TMEM127: variants seen among roughly 807,000 people sequenced by gnomAD.
The protein encoded by TMEM127 is transmembrane protein 127.
TMEM127 carries 21 observed loss-of-function variants against 20.1 expected under a neutral mutation model. The observed-to-expected ratio is 1.04, with a 90% CI of 0.74 to 1.50. TMEM127 has a LOEUF of 1.50. TMEM127 is among the 40% of genes most tolerant of loss of function. TMEM127 has a pLI of 0.00. For synonymous variants in TMEM127, 150 were observed against 144.7 expected (o/e 1.04, Z -0.26); for missense variants, 303 against 317.4 (o/e 0.95, Z 0.34).
At chr2:96,255,801 G>C (rs1461664824) in intron 2 of TMEM127, among the ~76,000 whole-genome samples, 1 of 151,816 alleles carries the variant, frequency 6.6e-6, no homozygotes, top group Non-Finnish European at 1.5e-5. Context: ...AACATAGTGA[G>C]ACCCCGTCTC....
rs909069042 is a variant in TMEM127, at chr2:96,249,602, CA to C, written c.*4205del. ...GTGAGACTGTCTCTACCCACCCCCA[CA>C]AAAAAAACATTTTCTCTTCTCCACA... On this transcript the variant is annotated 3_prime_UTR_variant, in exon 4 of 4. Coordinates refer to ENST00000258439, the MANE Select transcript of TMEM127 (RefSeq NM_017849.4). The C allele has an allele frequency of 3.0e-5, 7 of 230,520 alleles. No homozygotes were observed. Among genetic ancestry groups the C allele is most frequent in the East Asian group, 1.2e-4 (2 of 16,384 alleles). 14.3% of individuals were successfully genotyped at this position (230,520 alleles called of 1,614,324 possible). A position where few individuals can be genotyped will look rare whatever the true frequency, so the allele number is the denominator to read the frequency against.
chr2:96,263,569 G>A (rs1261976325), intron 2 of TMEM127, among the ~76,000 whole-genome samples: 1 of 152,140 alleles, frequency 6.6e-6, no homozygotes, highest in African/African-American at 2.4e-5. Context: ...CGACAAGGAT[G>A]CACACCAAAG....
chr2:96,257,779 G>A (rs1573972510), intron 2 of TMEM127, among the ~76,000 whole-genome samples: 1 of 152,052 alleles, frequency 6.6e-6, no homozygotes, highest in East Asian at 1.9e-4. Flanking sequence ...GCCAGGTATG[G>A]TGGCGTGCAC....
rs531275023 is a variant in TMEM127, at chr2:96,253,008, T to C, written c.*800A>G. 8 of 233,348 alleles carry C rather than the reference T, an allele frequency of 3.4e-5. No homozygotes were observed. In the East Asian group the frequency reaches 4.8e-4, roughly 14 times the overall value. 14.5% of individuals were successfully genotyped at this position (233,348 alleles called of 1,614,324 possible). A position where few individuals can be genotyped will look rare whatever the true frequency, so the allele number is the denominator to read the frequency against. ...TAAAAAGTGACAACAGTCTTGTCCC[T>C]ATTTTAAAAACAGAATATTGTTGCT... On this transcript the variant is annotated 3_prime_UTR_variant, in exon 4 of 4. Coordinates refer to ENST00000258439, the MANE Select transcript of TMEM127 (RefSeq NM_017849.4). This position sits in a 1 kb window ranked among gnomAD's most constrained non-coding sequence, Gnocchi z 4.3.
intron 2 of TMEM127, among the ~76,000 whole-genome samples, chr2:96,258,448 G>A (rs2104295209): frequency 6.6e-6 from 1 of 152,376 alleles, no homozygotes; most frequent in Admixed American, 6.5e-5. Context: ...CTCAGGCTCA[G>A]AGTTCGCCCA....
intron 2 of TMEM127, among the ~76,000 whole-genome samples, chr2:96,262,940 A>G (rs1174050916): frequency 1.3e-5 from 2 of 152,200 alleles, no homozygotes; most frequent in African/African-American, 4.8e-5. Context: ...TGGCCTCCCA[A>G]AGTACTGGGA....
chr2:96,254,413 C>T lies in TMEM127; in HGVS notation c.410-298G>A, dbSNP rs184689748. Among the ~76,000 whole-genome samples the T allele has an allele frequency of 2.2e-4, 33 of 152,114 alleles. No individual in the cohort carries two copies. In the Middle Eastern group the frequency reaches 0.014, roughly 63 times the overall value. The stretch of plus-strand genomic sequence containing the variant: ...TCAAACCAGCACAGCAGTGCAGGCA[C>T]GAGGGAGGACAGCAGCTACATACAA... On this transcript the variant is annotated intron_variant, in intron 3 of 3. Transcript: ENST00000258439.
At position 96,253,879 on chromosome 2, in the gene TMEM127, C is replaced by T. The variant is rs2104283151; in HGVS notation, c.646G>A (p.Glu216Lys). The change falls in exon 4 of 4, where the codon GAG becomes AAG. Residue 216 changes from glutamate (E) to lysine (K), a missense_variant. Transcript: ENST00000258439. This position sits in a 1 kb window ranked among gnomAD's most constrained non-coding sequence, Gnocchi z 4.3. ...TATTCCGCCGGGTAGGGCTCGTTCT[C>T]TTCCATCTCTGAGAGCAGCTCCAGC... ...QALELLSEME[E>K]NEPYPAEYEV... 1 of 1,614,158 alleles carries T rather than the reference C, an allele frequency of 6.2e-7. No individual in the cohort carries two copies. The highest frequency in any genetic ancestry group is 8.5e-7 in the Non-Finnish European group (1 of 1,180,022).
chr2:96,263,360 CTTTTTTTTTTTT>C (rs1157265984), intron 2 of TMEM127, among the ~76,000 whole-genome samples: 1 of 109,400 alleles, frequency 9.1e-6, no homozygotes, highest in Non-Finnish European at 1.9e-5. Flanking sequence ...CCTGGCCTTT[CTTTTTTTTTTTT>C]TTTTTTTGAG....
At position 96,250,798 on chromosome 2, in the gene TMEM127, T is replaced by G. The variant is rs1684071737; in HGVS notation, c.*3010A>C. 1 of 232,490 alleles carries G rather than the reference T, an allele frequency of 4.3e-6. No individual in the cohort carries two copies. Among genetic ancestry groups the G allele is most frequent in the Non-Finnish European group, 8.5e-6 (1 of 117,680 alleles). 14.4% of individuals were successfully genotyped at this position (232,490 alleles called of 1,614,324 possible). A position where few individuals can be genotyped will look rare whatever the true frequency, so the allele number is the denominator to read the frequency against. Reference sequence around the variant, plus strand: ...GGTCACACTCCCAGAACTGTCTCTATCCCCATGCCTCTCCTAGTAAGATTC... The same window carrying G: ...GGTCACACTCCCAGAACTGTCTCTAGCCCCATGCCTCTCCTAGTAAGATTC... On this transcript the variant is annotated 3_prime_UTR_variant, in exon 4 of 4. Transcript: ENST00000258439.
In TMEM127 at chr2:96,250,249, ACCT is replaced by A. The variant is rs1219565253; in HGVS notation, c.*3556_*3558del. On this transcript the variant is annotated 3_prime_UTR_variant, in exon 4 of 4. Transcript: ENST00000258439. ...CACCTTTCTAACCTCGGCTCTTACCACCTCCTGGCCACCAGTGTGCTTTTGCTC... is the reference window on the plus strand; with the variant it reads ...CACCTTTCTAACCTCGGCTCTTACCACCTGGCCACCAGTGTGCTTTTGCTC... 1 of 232,696 alleles carries A rather than the reference ACCT, an allele frequency of 4.3e-6. No individual in the cohort carries two copies. The highest frequency in any genetic ancestry group is 2.2e-5 in the African/African-American group (1 of 45,134). 14.4% of individuals were successfully genotyped at this position (232,696 alleles called of 1,614,324 possible). A position where few individuals can be genotyped will look rare whatever the true frequency, so the allele number is the denominator to read the frequency against.
Position 96,248,772 on chromosome 2 carries a change from C to G in TMEM127, c.*5036G>C. On this transcript the variant is annotated 3_prime_UTR_variant, in exon 4 of 4. Transcript: ENST00000258439. ...AACAGGGCAGCCTGCAGGCCCTGCACCTTCAGGCCCCATTCTCAGACACCT... is the reference window on the plus strand; with the variant it reads ...AACAGGGCAGCCTGCAGGCCCTGCAGCTTCAGGCCCCATTCTCAGACACCT... The G allele has an allele frequency of 4.3e-6, 1 of 231,618 alleles. No homozygotes were observed. 14.3% of individuals were successfully genotyped at this position (231,618 alleles called of 1,614,324 possible). A position where few individuals can be genotyped will look rare whatever the true frequency, so the allele number is the denominator to read the frequency against.
Position 96,250,261 on chromosome 2 carries a change from C to T in TMEM127, c.*3547G>A, listed in dbSNP as rs1318114679. The T allele has an allele frequency of 1.7e-5, 4 of 233,198 alleles. No homozygotes were observed. Among genetic ancestry groups the T allele is most frequent in the Middle Eastern group, 1.3e-3 (1 of 784 alleles). The allele number at this position is 233,198 out of a possible 1,614,324, so 14.4% of individuals were successfully genotyped here. The stretch of plus-strand genomic sequence containing the variant: ...CTCGGCTCTTACCACCTCCTGGCCA[C>T]CAGTGTGCTTTTGCTCTTGCCATTC... On this transcript the variant is annotated 3_prime_UTR_variant, in exon 4 of 4. Coordinates refer to ENST00000258439, the MANE Select transcript of TMEM127 (RefSeq NM_017849.4).
rs367951215 is a variant in TMEM127, at chr2:96,254,003, G to C, written c.522C>G (p.Ala174=). ...YHGSQVYVTF[A]VSFYLVAGAG... The stretch of plus-strand genomic sequence containing the variant: ...CTCCTGCCACCAGGTAGAAGCTAAC[G>C]GCGAAGGTGACATAGACCTGGGATC... Residue 174 remains alanine (A), a synonymous_variant, in exon 4 of 4, where the codon GCC becomes GCG. Coordinates refer to ENST00000258439, the MANE Select transcript of TMEM127 (RefSeq NM_017849.4). The C allele has an allele frequency of 5.6e-6, 9 of 1,614,136 alleles. No homozygotes were observed. Among genetic ancestry groups the C allele is most frequent in the Non-Finnish European group, 7.6e-6 (9 of 1,180,026 alleles).
At position 96,250,031 on chromosome 2, in the gene TMEM127, G is replaced by A; in HGVS notation, c.*3777C>T. ...CTCCAGCACCTGGCTGAGACACTGG[G>A]CCCTGGGATTGACTGTGACCGCCCT... On this transcript the variant is annotated 3_prime_UTR_variant, in exon 4 of 4. Transcript: ENST00000258439. 1 of 233,310 alleles carries A rather than the reference G, an allele frequency of 4.3e-6. No individual in the cohort carries two copies. The highest frequency in any genetic ancestry group is 8.5e-6 in the Non-Finnish European group (1 of 118,086). The allele number at this position is 233,310 out of a possible 1,614,324, so 14.5% of individuals were successfully genotyped here. A position where few individuals can be genotyped will look rare whatever the true frequency, so the allele number is the denominator to read the frequency against.
At position 96,249,479 on chromosome 2, in the gene TMEM127, C is replaced by T; in HGVS notation, c.*4329G>A. On this transcript the variant is annotated 3_prime_UTR_variant, in exon 4 of 4. Coordinates refer to ENST00000258439, the MANE Select transcript of TMEM127 (RefSeq NM_017849.4). ...GCTCATTCAAAACGACATTTTCAGG[C>T]TTGGTGCAGTGGCTCAAGCCTGTAA... is the stretch of plus-strand genomic sequence containing the variant. The T allele has an allele frequency of 4.4e-6, 1 of 225,800 alleles. No homozygotes were observed. Among genetic ancestry groups the T allele is most frequent in the East Asian group, 6.4e-5 (1 of 15,722 alleles). 14.0% of individuals were successfully genotyped at this position (225,800 alleles called of 1,614,324 possible).
chr2:96,252,399 C>CTACACTGAAGGTCTT lies in TMEM127; in HGVS notation c.*1394_*1408dup, dbSNP rs1684112567. ...ACAAGGACAGGTTGGCCATCTGGAT[C>CTACACTGAAGGTCTT]TACACTGAAGGTCTTTCAAGTTTCA... is the stretch of plus-strand genomic sequence containing the variant. On this transcript the variant is annotated 3_prime_UTR_variant, in exon 4 of 4. Transcript: ENST00000258439. This position sits in a 1 kb window ranked among gnomAD's most constrained non-coding sequence, Gnocchi z 4.2. 1 of 233,440 alleles carries CTACACTGAAGGTCTT rather than the reference C, an allele frequency of 4.3e-6. No homozygotes were observed. Among genetic ancestry groups the CTACACTGAAGGTCTT allele is most frequent in the Admixed American group, 5.6e-5 (1 of 17,784 alleles). 14.5% of individuals were successfully genotyped at this position (233,440 alleles called of 1,614,324 possible). A position where few individuals can be genotyped will look rare whatever the true frequency, so the allele number is the denominator to read the frequency against.
chr2:96,264,995 G>A, intron 2 of TMEM127, 143 bp downstream of exon 2: 1 of 1,379,696 alleles, frequency 7.2e-7, no homozygotes, highest in African/African-American at 1.4e-5. Flanking sequence ...ACCCCAAACA[G>A]AGCCACCTGG....
chr2:96,251,798 G>A lies in TMEM127; in HGVS notation c.*2010C>T, dbSNP rs1441204587. The A allele has an allele frequency of 4.3e-6, 1 of 233,132 alleles. No homozygotes were observed. Among genetic ancestry groups the A allele is most frequent in the Non-Finnish European group, 8.5e-6 (1 of 117,822 alleles). The allele number at this position is 233,132 out of a possible 1,614,324, so 14.4% of individuals were successfully genotyped here. A position where few individuals can be genotyped will look rare whatever the true frequency, so the allele number is the denominator to read the frequency against. On this transcript the variant is annotated 3_prime_UTR_variant, in exon 4 of 4. Coordinates refer to ENST00000258439, the MANE Select transcript of TMEM127 (RefSeq NM_017849.4). ...AAGAAGAGGAAGGCCAAAGACATGG[G>A]GAGTGAATAAAAAGTGGGTTCCGGA...
Sources: gnomAD v4.1 joint callset for allele counts (sites outside exome capture counted in the v4.1 genomes callset) on GRCh38, gnomAD v4.1.1 for gene constraint, Gnocchi (gnomAD v3.1) non-coding constraint, MANE v1.5 for transcripts, NCBI Gene and HGNC (gene_info 2026-07-23, HGNC 2026-07-21) for gene names.